The following ERC2 variants were observed in gnomAD, a reference collection of about 807,000 sequenced individuals.
ERC2 encodes ELKS/RAB6-interacting/CAST family member 2, also known as ERC protein 2.
ERC2 carries 42 observed loss-of-function variants against 114.8 expected under a neutral mutation model. That is an observed-to-expected ratio of 0.37 (90% CI 0.29 to 0.47). The LOEUF (loss-of-function observed/expected upper bound fraction) is 0.47. Among genes scored for constraint, ERC2 ranks in the 20% least tolerant of loss-of-function variants. The pLI is 0.99. For missense variants in ERC2, 939 were observed against 1,150.7 expected, an observed-to-expected ratio of 0.82 and a Z score of 2.66; for synonymous variants, 454 against 425.5, an observed-to-expected ratio of 1.07 and a Z score of -0.82.
intron 7 of ERC2, among the ~76,000 whole-genome samples, chr3:56,041,375 A>G (rs1382573393): frequency 6.6e-6 from 1 of 152,068 alleles, no homozygotes; most frequent in Non-Finnish European, 1.5e-5. Flanking sequence ...CTGGTGATAG[A>G]TTGAGCTACC....
chr3:56,133,587 T>C (rs2080331299), intron 6 of ERC2, among the ~76,000 whole-genome samples: 1 of 152,188 alleles, frequency 6.6e-6, no homozygotes, highest in Non-Finnish European at 1.5e-5. Flanking sequence ...ACATTGCCAT[T>C]TACCTCTGTA....
chr3:56,359,782 C>A (rs79164574), intron 2 of ERC2, among the ~76,000 whole-genome samples: 2 of 149,346 alleles, frequency 1.3e-5, no homozygotes, highest in South Asian at 2.1e-4. Context: ...ATGCAGATCA[C>A]GTGGCAAGAA....
At chr3:55,547,081 C>T (rs921617436) in intron 17 of ERC2, among the ~76,000 whole-genome samples, 5 of 152,216 alleles carry the variant, frequency 3.3e-5, no homozygotes, top group Admixed American at 6.5e-5. Flanking sequence ...ATGGTAATAG[C>T]GTATCTCTGT....
chr3:56,423,626 T>C (rs963907459), intron 2 of ERC2, among the ~76,000 whole-genome samples: 5 of 152,198 alleles, frequency 3.3e-5, no homozygotes, highest in African/African-American at 1.2e-4. Context: ...ACCAGATCTT[T>C]CCTACTGAAA....
intron 2 of ERC2, among the ~76,000 whole-genome samples, chr3:56,367,649 G>T (rs2059199654): frequency 6.6e-6 from 1 of 152,054 alleles, no homozygotes; most frequent in African/African-American, 2.4e-5. Flanking sequence ...AAGAATCCTA[G>T]ACAAGACCAG....
At chr3:55,553,685 C>G (rs571476887) in intron 17 of ERC2, among the ~76,000 whole-genome samples, 2 of 151,972 alleles carry the variant, frequency 1.3e-5, no homozygotes, top group African/African-American at 4.8e-5. Context: ...GAGGCTGAGG[C>G]AGGAGAATGG....
chr3:56,039,472 A>G (rs181426164), intron 7 of ERC2, among the ~76,000 whole-genome samples: 208 of 152,276 alleles, frequency 1.4e-3, no homozygotes, highest in African/African-American at 4.6e-3. Flanking sequence ...ACTGAAAACT[A>G]TAAAACATTG....
intron 10 of ERC2, 50 bp from the exon 11 acceptor site, chr3:55,992,300 A>G: frequency 6.7e-7 from 1 of 1,494,684 alleles, no homozygotes. Flanking sequence ...AATTTAGAAC[A>G]ATAGACAGTG....
intron 17 of ERC2, among the ~76,000 whole-genome samples, chr3:55,529,397 T>C (rs1174275233): frequency 6.6e-6 from 1 of 152,186 alleles, no homozygotes; most frequent in Non-Finnish European, 1.5e-5. Flanking sequence ...CGGAAACTCT[T>C]AGAGGAAAGA....
chr3:55,667,115 G>C (rs1051147707), intron 17 of ERC2, among the ~76,000 whole-genome samples: 1 of 152,086 alleles, frequency 6.6e-6, no homozygotes, highest in Non-Finnish European at 1.5e-5. Flanking sequence ...GGAGAGGGTT[G>C]GGGAGGATAA....
intron 1 of ERC2, among the ~76,000 whole-genome samples, chr3:56,436,235 C>G (rs76427991): frequency 1.9e-4 from 29 of 152,260 alleles, no homozygotes; most frequent in Non-Finnish European, 3.8e-4. Context: ...AGCTGAGTAA[C>G]CTTAGACAAA....
At chr3:56,141,429 C>G (rs917089657) in intron 5 of ERC2, among the ~76,000 whole-genome samples, 1 of 152,156 alleles carries the variant, frequency 6.6e-6, no homozygotes, top group Non-Finnish European at 1.5e-5. Context: ...GCTCAACCAC[C>G]CTGTGACCAC....
At chr3:55,843,572 A>G (rs768070178) in intron 14 of ERC2, among the ~76,000 whole-genome samples, 1 of 152,268 alleles carries the variant, frequency 6.6e-6, no homozygotes, top group Non-Finnish European at 1.5e-5. Context: ...CTTAAAATCT[A>G]GAAAATATAG....
intron 9 of ERC2, among the ~76,000 whole-genome samples, chr3:56,008,624 G>C (rs993001850): frequency 6.6e-6 from 1 of 152,134 alleles, no homozygotes; most frequent in African/African-American, 2.4e-5. Context: ...GCCAGTTTTA[G>C]TCAACTTGGC....
chr3:55,601,816 G>A (rs1027445449), intron 17 of ERC2, among the ~76,000 whole-genome samples: 1 of 152,222 alleles, frequency 6.6e-6, no homozygotes, highest in African/African-American at 2.4e-5. Flanking sequence ...TACACAGTGA[G>A]TCAGATCCTA....
intron 12 of ERC2, among the ~76,000 whole-genome samples, chr3:55,984,702 G>A (rs1331272858): frequency 6.6e-6 from 1 of 152,124 alleles, no homozygotes; most frequent in East Asian, 1.9e-4. Context: ...AGTTCTCTGG[G>A]GGCCATGCTT....
At chr3:55,942,997 AT>A (rs1418595782) in intron 13 of ERC2, among the ~76,000 whole-genome samples, 1 of 152,202 alleles carries the variant, frequency 6.6e-6, no homozygotes, top group African/African-American at 2.4e-5. Context: ...TATTTGAGCT[AT>A]TGGAAAGAGG....
At chr3:56,027,716 C>T (rs1179920260) in intron 7 of ERC2, among the ~76,000 whole-genome samples, 1 of 151,964 alleles carries the variant, frequency 6.6e-6, no homozygotes, top group African/African-American at 2.4e-5. Flanking sequence ...GGTATTAGTC[C>T]TTTGTCAGAT....
chr3:55,951,697 G>A (rs553261717), intron 12 of ERC2, among the ~76,000 whole-genome samples: 10 of 151,988 alleles, frequency 6.6e-5, no homozygotes, highest in Admixed American at 2.0e-4. Flanking sequence ...GGGTCCTTTC[G>A]GATCCCTTTC....
Sources: gnomAD v4.1 joint callset for allele counts (sites outside exome capture counted in the v4.1 genomes callset) on GRCh38, gnomAD v4.1.1 for gene constraint, MANE v1.5 for transcripts, NCBI Gene and HGNC (gene_info 2026-07-23, HGNC 2026-07-21) for gene names.